The following RANBP17 variants were observed in gnomAD, a reference collection of about 807,000 sequenced individuals.
The protein encoded by RANBP17 is RAN binding protein 17, also known as ran-binding protein 17.
RANBP17 carries 158 observed loss-of-function variants against 141.2 expected under a neutral mutation model. The observed-to-expected ratio is 1.12, with a 90% confidence interval of 0.98 to 1.28. The LOEUF is 1.28. RANBP17 is among the 50% of genes most tolerant of loss of function. The pLI is 0.00. For missense variants in RANBP17, 1,438 were observed against 1,290.7 expected (o/e 1.11, Z -1.75); for synonymous variants, 430 against 450.0 (o/e 0.96, Z 0.56).
chr5:171,277,643 A>ATATATATATATATG (rs1767593424), intron 25 of RANBP17, among the ~76,000 whole-genome samples: 1 of 117,222 alleles, frequency 8.5e-6, no homozygotes, highest in Non-Finnish European at 1.8e-5. Flanking sequence ...GTATGTATAT[A>ATATATATATATATG]TATATATATA....
At chr5:171,026,893 A>G (rs1464198606) in intron 14 of RANBP17, among the ~76,000 whole-genome samples, 2 of 152,180 alleles carry the variant, frequency 1.3e-5, no homozygotes, top group East Asian at 1.9e-4. Context: ...GACCTGGACT[A>G]CATGGCAGGA....
At chr5:171,099,906 T>TA (rs1787013301) in intron 14 of RANBP17, among the ~76,000 whole-genome samples, 1 of 152,250 alleles carries the variant, frequency 6.6e-6, no homozygotes, top group South Asian at 2.1e-4. Context: ...GGATTACGTT[T>TA]ACTGATTTGC....
intron 14 of RANBP17, among the ~76,000 whole-genome samples, chr5:171,146,689 A>C (rs1758049728): frequency 6.6e-6 from 1 of 152,230 alleles, no homozygotes; most frequent in East Asian, 1.9e-4. Flanking sequence ...AGTACAGAGC[A>C]GGGAACTTGG....
intron 12 of RANBP17, among the ~76,000 whole-genome samples, chr5:170,929,675 T>G (rs561864263): frequency 4.6e-5 from 7 of 152,286 alleles, no homozygotes; most frequent in African/African-American, 1.7e-4. Flanking sequence ...GTAGTTTTCT[T>G]GTGGTGACTT....
At chr5:171,069,216 T>A (rs1784494582) in intron 14 of RANBP17, among the ~76,000 whole-genome samples, 1 of 152,168 alleles carries the variant, frequency 6.6e-6, no homozygotes, top group African/African-American at 2.4e-5. Context: ...CTAGGCAGAT[T>A]CAAATATACA....
intron 14 of RANBP17, among the ~76,000 whole-genome samples, chr5:171,152,103 A>G (rs1237555268): frequency 1.3e-5 from 2 of 152,084 alleles, no homozygotes; most frequent in African/African-American, 4.8e-5. Context: ...ACACATGGTA[A>G]CAGAGGCAAT....
At chr5:171,091,547 A>T (rs1786279210) in intron 14 of RANBP17, among the ~76,000 whole-genome samples, 1 of 152,114 alleles carries the variant, frequency 6.6e-6, no homozygotes, top group Admixed American at 6.5e-5. Flanking sequence ...ATTGGTTTTG[A>T]AATGTAAGGA....
intron 14 of RANBP17, among the ~76,000 whole-genome samples, chr5:171,054,398 TC>T (rs1783203452): frequency 6.6e-6 from 1 of 152,186 alleles, no homozygotes; most frequent in African/African-American, 2.4e-5. Flanking sequence ...GGTGGGCAGT[TC>T]TTGGAACTGA....
chr5:171,101,557 C>A (rs116192827), intron 14 of RANBP17, among the ~76,000 whole-genome samples: 1 of 151,882 alleles, frequency 6.6e-6, no homozygotes, highest in African/African-American at 2.4e-5. Flanking sequence ...TCCAGTTTTC[C>A]GTCTGTGACT....
intron 14 of RANBP17, among the ~76,000 whole-genome samples, chr5:171,096,340 A>C (rs1236662414): frequency 6.6e-6 from 1 of 152,186 alleles, no homozygotes; most frequent in East Asian, 1.9e-4. Context: ...TTATTAACTT[A>C]TTGTTGTCTG....
At chr5:171,188,931 A>C (rs530000289) in intron 18 of RANBP17, among the ~76,000 whole-genome samples, 1 of 152,250 alleles carries the variant, frequency 6.6e-6, no homozygotes, top group Admixed American at 6.5e-5. Context: ...AATGTAAACT[A>C]TGAGGTATGA....
intron 18 of RANBP17, among the ~76,000 whole-genome samples, chr5:171,198,507 AATGACTATAG>A (rs1420704410): frequency 6.6e-6 from 1 of 152,208 alleles, no homozygotes; most frequent in African/African-American, 2.4e-5. Context: ...TTGTCTGAAA[AATGACTATAG>A]ATGCCAGTGT....
intron 14 of RANBP17, among the ~76,000 whole-genome samples, chr5:170,989,565 T>C (rs558520780): frequency 6.6e-6 from 1 of 151,984 alleles, no homozygotes; most frequent in East Asian, 1.9e-4. Context: ...TAATATGTTA[T>C]ACTGTTTTGG....
intron 14 of RANBP17, among the ~76,000 whole-genome samples, chr5:170,987,983 A>G (rs1172528755): frequency 1.3e-5 from 2 of 151,312 alleles, no homozygotes; most frequent in African/African-American, 2.4e-5. Flanking sequence ...TGTGAGAATT[A>G]TATTTTGTTA....
At position 171,000,247 on chromosome 5, in the gene RANBP17, G is replaced by A. The variant is rs377273055; in HGVS notation, c.1710+31870G>A. ...CGAGACCCTGCTTTCAATTCTTTTG[G>A]AGTAGAATTGCTGCATCATGGGTAA... On this transcript the variant is annotated intron_variant, in intron 14 of 27. Transcript: ENST00000523189. Among the ~76,000 whole-genome samples the A allele has an allele frequency of 2.6e-5, 4 of 152,152 alleles. No individual in the cohort carries two copies. In the East Asian group the frequency reaches 7.7e-4, roughly 29 times the overall value.
At chr5:171,040,106 CA>C (rs1040685951) in intron 14 of RANBP17, among the ~76,000 whole-genome samples, 1 of 151,722 alleles carries the variant, frequency 6.6e-6, no homozygotes, top group East Asian at 1.9e-4. Context: ...TGAACGTGGA[CA>C]AAAAAAATCC....
At chr5:171,198,411 A>G (rs1762102329) in intron 18 of RANBP17, among the ~76,000 whole-genome samples, 1 of 152,260 alleles carries the variant, frequency 6.6e-6, no homozygotes, top group African/African-American at 2.4e-5. Flanking sequence ...TGAAGGAAAG[A>G]GATAAATCAC....
intron 14 of RANBP17, among the ~76,000 whole-genome samples, chr5:170,990,524 C>T (rs1346361122): frequency 6.6e-6 from 1 of 151,774 alleles, no homozygotes; most frequent in Non-Finnish European, 1.5e-5. Flanking sequence ...TCTTTAGTGT[C>T]CTAATGATTA....
chr5:171,244,559 G>A (rs1765094675), intron 24 of RANBP17, among the ~76,000 whole-genome samples: 1 of 151,996 alleles, frequency 6.6e-6, no homozygotes, highest in Admixed American at 6.5e-5. Flanking sequence ...CAATTATTGT[G>A]CCTCAGCCTC....
Sources: gnomAD v4.1 joint callset for allele counts (sites outside exome capture counted in the v4.1 genomes callset) on GRCh38, gnomAD v4.1.1 for gene constraint, MANE v1.5 for transcripts, NCBI Gene and HGNC (gene_info 2026-07-23, HGNC 2026-07-21) for gene names.